The following TMEM132E variants were observed in gnomAD, a reference collection of about 807,000 sequenced individuals.
The protein encoded by TMEM132E is transmembrane protein 132E.
TMEM132E carries 49 observed loss-of-function variants against 78.5 expected under a neutral mutation model. That is an observed-to-expected ratio of 0.62 (90% CI 0.50 to 0.79). The LOEUF (loss-of-function observed/expected upper bound fraction) is 0.79. Among genes scored for constraint, TMEM132E ranks in the 30% least tolerant of loss-of-function variants. The pLI, the probability that TMEM132E is intolerant of heterozygous loss-of-function variation, is 0.00. For missense variants in TMEM132E, 1,403 were observed against 1,470.9 expected (o/e 0.95, Z 0.75); for synonymous variants, 715 against 670.6 (o/e 1.07, Z -1.02).
intron 1 of TMEM132E, among the ~76,000 whole-genome samples, chr17:34,621,987 TC>T (rs1388421816): frequency 2.0e-5 from 3 of 152,054 alleles, no homozygotes; most frequent in Non-Finnish European, 2.9e-5. Flanking sequence ...GCCTCCCTTC[TC>T]CCCACCCCAC....
At chr17:34,620,605 C>T (rs192210193) in intron 1 of TMEM132E, among the ~76,000 whole-genome samples, 332 of 152,346 alleles carry the variant, frequency 2.2e-3, no homozygotes, top group Non-Finnish European at 4.0e-3. Context: ...GCCAGTGTCT[C>T]ATGGCCCCAG....
intron 1 of TMEM132E, among the ~76,000 whole-genome samples, chr17:34,581,595 G>T (rs1033624474): frequency 3.3e-5 from 5 of 151,918 alleles, no homozygotes; most frequent in Admixed American, 6.5e-5. Context: ...CGCGCCGCCC[G>T]TCGCCTCGCT....
rs1400604949 is a variant in TMEM132E, at chr17:34,626,369, G to A, written c.310G>A (p.Ala104Thr). ...LGPFSTSQVV[A>T]RELLQPSSTL... The stretch of plus-strand genomic sequence containing the variant: ...GCCCTTCAGCACCAGCCAGGTGGTG[G>A]CGCGGGAGCTCCTGCAGCCGTCCAG... Residue 104 changes from alanine to threonine, a missense_variant, in exon 2 of 9, where the codon GCG becomes ACG. Ala to Thr is a moderately conservative substitution (Grantham distance 58). Transcript: ENST00000631683. 1 of 1,613,308 alleles carries A rather than the reference G, an allele frequency of 6.2e-7. No individual in the cohort carries two copies. Among genetic ancestry groups the A allele is most frequent in the Non-Finnish European group, 8.5e-7 (1 of 1,179,778 alleles).
chr17:34,580,974 C>G lies in TMEM132E; in HGVS notation c.-103C>G. The G allele has an allele frequency of 1.1e-6, 1 of 900,048 alleles. No individual in the cohort carries two copies. The highest frequency in any genetic ancestry group is 3.0e-5 in the East Asian group (1 of 33,572). The allele number at this position is 900,048 out of a possible 1,614,324, so 55.8% of individuals were successfully genotyped here. A position where few individuals can be genotyped will look rare whatever the true frequency, so the allele number is the denominator to read the frequency against. ...GTCCCGGAGCTGCATCTGAGACAGC[C>G]GGGCGCCACGGCAGCCCTGAGTTGG... On this transcript the variant is annotated 5_prime_UTR_variant, in exon 1 of 9. Coordinates refer to ENST00000631683, the MANE Select transcript of TMEM132E (RefSeq NM_001304438.2).
At chr17:34,603,159 T>C (rs952545770) in intron 1 of TMEM132E, among the ~76,000 whole-genome samples, 1 of 152,090 alleles carries the variant, frequency 6.6e-6, no homozygotes, top group Non-Finnish European at 1.5e-5. Context: ...AGGGGTCAGG[T>C]TGCGAGACAG....
chr17:34,594,088 A>G (rs1905974844), intron 1 of TMEM132E, among the ~76,000 whole-genome samples: 1 of 151,738 alleles, frequency 6.6e-6, no homozygotes, highest in Non-Finnish European at 1.5e-5. Flanking sequence ...CTGTCCCCTG[A>G]CCCTGCTCTG....
At chr17:34,613,211 A>ACACACACACACG in intron 1 of TMEM132E, among the ~76,000 whole-genome samples, 18 of 115,974 alleles carry the variant, frequency 1.6e-4, no homozygotes, top group South Asian at 3.4e-4. Context: ...ACACACACAC[A>ACACACACACACG]CGCGCGCGCG....
chr17:34,613,932 G>A (rs1428610796), intron 1 of TMEM132E, among the ~76,000 whole-genome samples: 5 of 152,194 alleles, frequency 3.3e-5, no homozygotes, highest in Admixed American at 6.5e-5. Context: ...GTTTTTGGCT[G>A]AGGACTAGGC....
chr17:34,590,195 T>G (rs1905822041), intron 1 of TMEM132E, among the ~76,000 whole-genome samples: 1 of 152,244 alleles, frequency 6.6e-6, no homozygotes, highest in Non-Finnish European at 1.5e-5. Flanking sequence ...GTTATTTCAA[T>G]GGTCACTTAT....
At chr17:34,589,466 G>A (rs1277856456) in intron 1 of TMEM132E, among the ~76,000 whole-genome samples, 1 of 152,206 alleles carries the variant, frequency 6.6e-6, no homozygotes, top group African/African-American at 2.4e-5. Flanking sequence ...GTATTTCACA[G>A]ATTTGGATTT....
intron 1 of TMEM132E, among the ~76,000 whole-genome samples, chr17:34,597,851 T>C (rs1264634727): frequency 6.6e-6 from 1 of 152,174 alleles, no homozygotes; most frequent in Admixed American, 6.5e-5. Context: ...TCCTGGTCAC[T>C]GGGGGCTGAG....
chr17:34,628,898 G>A (rs1907250331), intron 3 of TMEM132E, 114 bp from the exon 4 acceptor site: 1 of 1,396,458 alleles, frequency 7.2e-7, no homozygotes, highest in Non-Finnish European at 9.7e-7. Flanking sequence ...AGGCCCAGAG[G>A]GCCCCATCAG....
chr17:34,590,912 T>TG (rs914390308), intron 1 of TMEM132E, among the ~76,000 whole-genome samples: 1 of 151,830 alleles, frequency 6.6e-6, no homozygotes, highest in Non-Finnish European at 1.5e-5. Context: ...GATCTGGGAG[T>TG]GGGGGCCTTG....
chr17:34,620,203 G>T (rs1455179732), intron 1 of TMEM132E, among the ~76,000 whole-genome samples: 4 of 152,178 alleles, frequency 2.6e-5, no homozygotes, highest in Non-Finnish European at 4.4e-5. Flanking sequence ...TTGTCTGGGA[G>T]AGGCAGAGGG....
Position 34,634,994 on chromosome 17 carries a change from C to T in TMEM132E, c.1884C>T (p.Val628=). Reference sequence around the variant, plus strand: ...GGCTGGTGGAGGTCACCGACCTAGTCAGTGACTTCATGCGGGTGGGCGATC... The same window carrying T: ...GGCTGGTGGAGGTCACCGACCTAGTTAGTGACTTCATGCGGGTGGGCGATC... ...PDWLVEVTDL[V]SDFMRVGDPR... Residue 628 remains valine, a synonymous_variant, in exon 7 of 9, where the codon GTC becomes GTT. Coordinates refer to ENST00000631683, the MANE Select transcript of TMEM132E (RefSeq NM_001304438.2). The T allele has an allele frequency of 6.2e-7, 1 of 1,614,092 alleles. No homozygotes were observed. Among genetic ancestry groups the T allele is most frequent in the Non-Finnish European group, 8.5e-7 (1 of 1,180,038 alleles).
chr17:34,619,590 G>T (rs1346474410), intron 1 of TMEM132E, among the ~76,000 whole-genome samples: 1 of 151,654 alleles, frequency 6.6e-6, no homozygotes, highest in African/African-American at 2.4e-5. Flanking sequence ...TTAACTATCA[G>T]CAATGTCAGC....
Position 34,613,211 on chromosome 17 carries a change from A to ACATGCGCG in TMEM132E, c.68-12915_68-12914insATGCGCGC. On this transcript the variant is annotated intron_variant, in intron 1 of 8. Coordinates refer to ENST00000631683, the MANE Select transcript of TMEM132E (RefSeq NM_001304438.2). ...CACACACACACCCACACACACACAC[A>ACATGCGCG]CGCGCGCGCGCGCGCGTTCTTACAT... Among the ~76,000 whole-genome samples the ACATGCGCG allele has an allele frequency of 7.8e-5, 9 of 115,978 alleles. No homozygotes were observed. In the South Asian group the frequency reaches 1.7e-3, roughly 22 times the overall value. The allele number at this position is 115,978 out of a possible 152,430, so 76.1% of individuals were successfully genotyped here. A position where few individuals can be genotyped will look rare whatever the true frequency, so the allele number is the denominator to read the frequency against.
intron 1 of TMEM132E, among the ~76,000 whole-genome samples, chr17:34,596,646 T>C (rs1462185762): frequency 6.6e-6 from 1 of 152,042 alleles, no homozygotes; most frequent in African/African-American, 2.4e-5. Flanking sequence ...TCCTTTTCCT[T>C]GGTCCCTGGC....
Position 34,638,255 on chromosome 17 carries a change from G to GGCCC in TMEM132E, c.*23_*24insGCCC. The GGCCC allele has an allele frequency of 6.8e-7, 1 of 1,461,548 alleles. No homozygotes were observed. The highest frequency in any genetic ancestry group is 1.5e-5 in the South Asian group (1 of 68,752). 90.5% of individuals were successfully genotyped at this position (1,461,548 alleles called of 1,614,324 possible). On this transcript the variant is annotated 3_prime_UTR_variant, in exon 9 of 9. Coordinates refer to ENST00000631683, the MANE Select transcript of TMEM132E (RefSeq NM_001304438.2). ...TAGAGGCGCCAGCCGGAGTAGCAGG[G>GGCCC]ACCCCCCCCCCCAACGGGGTCAGCT...
Sources: allele counts gnomAD v4.1 joint callset (sites outside exome capture counted in the v4.1 genomes callset), GRCh38; gene constraint gnomAD v4.1.1; transcripts MANE v1.5; gene names NCBI Gene and HGNC (gene_info 2026-07-23, HGNC 2026-07-21).